Variants in GRM8 observed in about 807,000 individuals in gnomAD.
GRM8 encodes glutamate metabotropic receptor 8.
GRM8 carries 47 observed loss-of-function variants against 87.2 expected under a neutral mutation model. The observed-to-expected ratio is 0.54, with a 90% CI of 0.43 to 0.69. The LOEUF (loss-of-function observed/expected upper bound fraction) is 0.69, where lower values mean the gene tolerates loss of function less well. Ranked by LOEUF, GRM8 falls within the 30% of genes least tolerant of loss-of-function variation. GRM8 has a pLI of 0.00. For missense variants in GRM8, 1,019 were observed against 1,139.2 expected (o/e 0.89, Z 1.52); for synonymous variants, 396 against 404.5 (o/e 0.98, Z 0.25).
rs533967008 is a variant in GRM8 at position 126,848,433 on chromosome 7, T to G, written c.1156+54109A>C. ...TGTCAATATTGTTTATCTTATTTCTTGAAATAATATTTCAGATAGTTGGGT... is the reference window on the plus strand; with the variant it reads ...TGTCAATATTGTTTATCTTATTTCTGGAAATAATATTTCAGATAGTTGGGT... On this transcript the variant is annotated intron_variant, in intron 6 of 10. Transcript: ENST00000339582. 3.9e-5 allele frequency among the ~76,000 whole-genome samples: 6 copies of G among 152,334 alleles called. No homozygotes were observed. In the South Asian group the frequency reaches 1.2e-3, roughly 32 times the overall value.
intron 9 of GRM8, among the ~76,000 whole-genome samples, chr7:126,507,851 C>T (rs1183063900): frequency 1.3e-5 from 2 of 151,988 alleles, no homozygotes; most frequent in Non-Finnish European, 2.9e-5. Flanking sequence ...CTGTATGGCC[C>T]TCCCCCAAGT....
At chr7:127,029,720 A>G (rs978626384) in intron 3 of GRM8, among the ~76,000 whole-genome samples, 4 of 149,768 alleles carry the variant, frequency 2.7e-5, no homozygotes, top group African/African-American at 7.4e-5. Context: ...TTTTGAGCCT[A>G]TGTTTGTCTT....
chr7:126,683,102 C>G (rs920214077), intron 7 of GRM8, among the ~76,000 whole-genome samples: 1 of 152,160 alleles, frequency 6.6e-6, no homozygotes, highest in Non-Finnish European at 1.5e-5. Context: ...GTAGGATATA[C>G]TGAATAAGCA....
intron 9 of GRM8, among the ~76,000 whole-genome samples, chr7:126,515,518 T>A (rs1812041084): frequency 6.6e-6 from 1 of 152,084 alleles, no homozygotes; most frequent in Non-Finnish European, 1.5e-5. Context: ...CAACACAAAG[T>A]CACTGCCCTG....
At chr7:127,107,227 T>C (rs1303791286) in intron 2 of GRM8, among the ~76,000 whole-genome samples, 1 of 152,214 alleles carries the variant, frequency 6.6e-6, no homozygotes, top group East Asian at 1.9e-4. Context: ...ATTGTAAATA[T>C]ATAGTTTTGC....
At chr7:126,974,309 G>T (rs1279229543) in intron 3 of GRM8, among the ~76,000 whole-genome samples, 1 of 151,978 alleles carries the variant, frequency 6.6e-6, no homozygotes, top group Non-Finnish European at 1.5e-5. Context: ...TATTGTATTG[G>T]GCATTTGCGT....
intron 9 of GRM8, among the ~76,000 whole-genome samples, chr7:126,477,705 GGAGA>G (rs1435247687): frequency 6.6e-6 from 1 of 151,302 alleles, no homozygotes; most frequent in Non-Finnish European, 1.5e-5. Flanking sequence ...ATGAAGGGAG[GGAGA>G]AAGGAAGGAA....
At chr7:126,833,263 C>T (rs929665240) in intron 6 of GRM8, among the ~76,000 whole-genome samples, 5 of 152,344 alleles carry the variant, frequency 3.3e-5, no homozygotes, top group Non-Finnish European at 7.3e-5. Context: ...GCAACAGTCA[C>T]AGCAGTAGAA....
rs17866211 is a variant in GRM8, at chr7:127,101,576, C to G, written c.727+4920G>C. Among the ~76,000 whole-genome samples, 901 of 152,322 alleles carry G rather than the reference C, an allele frequency of 5.9e-3. 9 individuals are homozygous for G. The highest frequency in any genetic ancestry group is 0.021 in the African/African-American group (866 of 41,570). On this transcript the variant is annotated intron_variant, in intron 3 of 10. Transcript: ENST00000339582. ...GCTCTTGCTTTCACTATGTGGTGTG[C>G]TTGCTCCTGCTTTACCTTCTGTGAT...
intron 8 of GRM8, among the ~76,000 whole-genome samples, chr7:126,550,918 T>A (rs1310651279): frequency 6.6e-6 from 1 of 151,318 alleles, no homozygotes; most frequent in African/African-American, 2.4e-5. Context: ...CAAGTCTAAT[T>A]GAGGGAGAAA....
chr7:126,747,807 T>G (rs1815868833), intron 7 of GRM8, among the ~76,000 whole-genome samples: 1 of 151,944 alleles, frequency 6.6e-6, no homozygotes, highest in Non-Finnish European at 1.5e-5. Flanking sequence ...AATTATAAAT[T>G]TTCCTTCAGT....
intron 9 of GRM8, among the ~76,000 whole-genome samples, chr7:126,459,250 C>G (rs990484485): frequency 1.3e-5 from 2 of 150,710 alleles, no homozygotes; most frequent in Admixed American, 6.6e-5. Context: ...GCAAGATTGC[C>G]CAGGAAATAG....
intron 7 of GRM8, among the ~76,000 whole-genome samples, chr7:126,750,190 A>G (rs1351998539): frequency 2.0e-5 from 3 of 152,162 alleles, no homozygotes; most frequent in Non-Finnish European, 4.4e-5. Context: ...TAAATTTTAA[A>G]AACTTCGTGC....
intron 7 of GRM8, among the ~76,000 whole-genome samples, chr7:126,657,334 A>C (rs1188160720): frequency 6.6e-6 from 1 of 152,196 alleles, no homozygotes; most frequent in African/African-American, 2.4e-5. Flanking sequence ...GTGGTTTTTA[A>C]TTGTGGTGAA....
At chr7:126,489,384 A>G (rs759848701) in intron 9 of GRM8, among the ~76,000 whole-genome samples, 1 of 152,118 alleles carries the variant, frequency 6.6e-6, no homozygotes, top group Non-Finnish European at 1.5e-5. Context: ...CAATGGAGAC[A>G]TCTTTGAGAA....
At chr7:127,112,244 T>C (rs1301789954) in intron 2 of GRM8, 1 of 152,316 alleles carries the variant, frequency 6.6e-6, no homozygotes, top group African/African-American at 2.4e-5. Flanking sequence ...TTTTCCCAAG[T>C]AAGTCCTTCC....
chr7:126,439,004 T>C lies in GRM8; in HGVS notation c.*115A>G. The C allele has an allele frequency of 1.3e-6, 1 of 752,224 alleles. No individual in the cohort carries two copies. Among genetic ancestry groups the C allele is most frequent in the Non-Finnish European group, 2.4e-6 (1 of 412,540 alleles). The allele number at this position is 752,224 out of a possible 1,614,324, so 46.6% of individuals were successfully genotyped here. On this transcript the variant is annotated 3_prime_UTR_variant, in exon 11 of 11. Transcript: ENST00000339582. ...AATTTTTGTTCCTTACAAGACTGAC[T>C]ATTGATTTGATTGATTGTAGTCTAC...
chr7:126,579,086 C>T (rs1048907061), intron 8 of GRM8, among the ~76,000 whole-genome samples: 8 of 151,920 alleles, frequency 5.3e-5, no homozygotes, highest in Non-Finnish European at 7.4e-5. Context: ...TCTACTCCTC[C>T]CACTAAAAAT....
At chr7:126,497,333 G>T (rs1361810601) in intron 9 of GRM8, among the ~76,000 whole-genome samples, 3 of 151,988 alleles carry the variant, frequency 2.0e-5, no homozygotes, top group East Asian at 3.9e-4. Context: ...GGAAACTTGG[G>T]AGCAACAACA....
Sources: allele counts gnomAD v4.1 joint callset (sites outside exome capture counted in the v4.1 genomes callset), GRCh38; gene constraint gnomAD v4.1.1; transcripts MANE v1.5; gene names NCBI Gene and HGNC (gene_info 2026-07-23, HGNC 2026-07-21).